RYR1: variants seen among roughly 807,000 people sequenced by gnomAD.
RYR1 encodes ryanodine receptor 1, also known as central core disease of muscle.
In RYR1, 342 loss-of-function variants were observed where a neutral mutation model predicts 583.5. That is an observed-to-expected ratio of 0.59 (90% confidence interval 0.54 to 0.64). The LOEUF is 0.64. Ranked by LOEUF, RYR1 falls within the 30% of genes least tolerant of loss-of-function variation. The probability of loss-of-function intolerance (pLI) is 0.00; values close to 1 mark genes in which losing one functional copy is unlikely to be tolerated. For missense variants in RYR1, 6,032 were observed against 6,917.2 expected (o/e 0.87, Z 4.54); for synonymous variants, 2,791 against 2,822.5 (o/e 0.99, Z 0.35).
At chr19:38,450,175 C>T (rs1353075897) in intron 11 of RYR1, among the ~76,000 whole-genome samples, 5 of 152,040 alleles carry the variant, frequency 3.3e-5, no homozygotes, top group Admixed American at 6.6e-5. Flanking sequence ...AGCAGGGAGA[C>T]CAGAGAAGAG....
Position 38,440,766 on chromosome 19 carries a change from T to C in RYR1, c.67T>C (p.Cys23Arg). The change falls in exon 2 of 106, where the codon TGC becomes CGC. Residue 23 changes from cysteine to arginine, a missense_variant. Coordinates refer to ENST00000359596, the MANE Select transcript of RYR1 (RefSeq NM_000540.3). ...LRTDDEVVLQ[C>R]SATVLKEQLK... Reference sequence around the variant, plus strand: ...GCAGGACGATGAGGTGGTCCTGCAGTGCAGCGCTACCGTGCTCAAGGAGCA... The same window carrying C: ...GCAGGACGATGAGGTGGTCCTGCAGCGCAGCGCTACCGTGCTCAAGGAGCA... 1.2e-6 allele frequency: 2 copies of C among 1,608,294 alleles called. No homozygotes were observed. The highest frequency in any genetic ancestry group is 2.2e-5 in the East Asian group (1 of 44,720).
chr19:38,460,618 T>C (rs1049074713), intron 20 of RYR1, 27 bp downstream of exon 20: 9 of 1,595,632 alleles, frequency 5.6e-6, no homozygotes, highest in Non-Finnish European at 7.7e-6. Context: ...AAAGGTTTTC[T>C]GGCGAGGCAG....
At chr19:38,575,240 G>A (rs898041538) in intron 96 of RYR1, among the ~76,000 whole-genome samples, 1 of 152,190 alleles carries the variant, frequency 6.6e-6, no homozygotes, top group Non-Finnish European at 1.5e-5. Flanking sequence ...CCACGCCAGA[G>A]CCTCTTTATC....
intron 89 of RYR1, among the ~76,000 whole-genome samples, chr19:38,550,691 T>C (rs2145797600): frequency 6.6e-6 from 1 of 152,216 alleles, no homozygotes; most frequent in South Asian, 2.1e-4. Flanking sequence ...CTCTTCCCAT[T>C]ACTGTTGTTA....
intron 102 of RYR1, among the ~76,000 whole-genome samples, chr19:38,585,624 C>T (rs572873168): frequency 4.6e-5 from 7 of 151,780 alleles, no homozygotes; most frequent in Non-Finnish European, 8.8e-5. Context: ...CAGGCACATG[C>T]TACCACACCC....
At chr19:38,472,563 G>T (rs551921811) in intron 27 of RYR1, among the ~76,000 whole-genome samples, 14 of 152,058 alleles carry the variant, frequency 9.2e-5, no homozygotes, top group Non-Finnish European at 1.8e-4. Flanking sequence ...TCAAATCTAG[G>T]GGGGAAAGCA....
chr19:38,503,081 G>C, intron 49 of RYR1, 111 bp downstream of exon 49: 1 of 1,005,814 alleles, frequency 9.9e-7, no homozygotes, highest in East Asian at 2.5e-5. Context: ...CAATAAACCT[G>C]CACTAGTTAG....
intron 67 of RYR1, among the ~76,000 whole-genome samples, chr19:38,520,087 T>C (rs1018610062): frequency 8.0e-5 from 12 of 149,842 alleles, no homozygotes; most frequent in African/African-American, 1.2e-4. Context: ...TTTTTTTTTT[T>C]TTTATTGAGA....
chr19:38,488,601 A>C (rs1377686808), intron 34 of RYR1, among the ~76,000 whole-genome samples: 2 of 152,162 alleles, frequency 1.3e-5, no homozygotes, highest in Non-Finnish European at 2.9e-5. Context: ...TCCCAGATTC[A>C]AGTGATTCTC....
chr19:38,512,604 A>G lies in RYR1; in HGVS notation c.9472+121A>G, dbSNP rs1487002388. On this transcript the variant is annotated intron_variant, in intron 63 of 105. Coordinates refer to ENST00000359596, the MANE Select transcript of RYR1 (RefSeq NM_000540.3). The surrounding 1 kb of genome is among the most constrained non-coding windows in gnomAD (Gnocchi z 5.1). ...GTGGATTTCTTGCTGTAAGCAAAGCATGCAGTCAGTACCTTGGCAGGTGGC... is the reference window on the plus strand; with the variant it reads ...GTGGATTTCTTGCTGTAAGCAAAGCGTGCAGTCAGTACCTTGGCAGGTGGC... 1 of 963,614 alleles carries G rather than the reference A, an allele frequency of 1.0e-6. No homozygotes were observed. Among genetic ancestry groups the G allele is most frequent in the Non-Finnish European group, 1.6e-6 (1 of 610,124 alleles). The allele number at this position is 963,614 out of a possible 1,614,324, so 59.7% of individuals were successfully genotyped here.
chr19:38,565,531 G>A lies in RYR1; in HGVS notation c.13197G>A (p.Pro4399=), dbSNP rs773923211. Residue 4399 remains proline (P), a synonymous_variant, in exon 91 of 106, where the codon CCG becomes CCA. Transcript: ENST00000359596. The surrounding 1 kb of genome is among the most constrained non-coding windows in gnomAD (Gnocchi z 4.7). Reference sequence around the variant, plus strand: ...TGCACGGCGAGCAGCCGGCCGGGCCGGGCGGAGACGCAGACGGCGAGGGTG... The same window carrying A: ...TGCACGGCGAGCAGCCGGCCGGGCCAGGCGGAGACGCAGACGGCGAGGGTG... The part of the protein sequence containing the change: ...DEVHGEQPAG[P]GGDADGEGAS... The A allele has an allele frequency of 2.0e-6, 3 of 1,502,802 alleles. No homozygotes were observed. Among genetic ancestry groups the A allele is most frequent in the African/African-American group, 1.4e-5 (1 of 69,064 alleles). 93.1% of individuals were successfully genotyped at this position (1,502,802 alleles called of 1,614,324 possible).
intron 72 of RYR1, 99 bp downstream of exon 72, chr19:38,527,151 A>G: frequency 1.5e-6 from 2 of 1,354,426 alleles, no homozygotes; most frequent in Non-Finnish European, 2.1e-6. Flanking sequence ...CATTGAAGAA[A>G]GACCTCAAAG....
intron 54 of RYR1, 141 bp downstream of exon 54, chr19:38,506,087 T>A (rs934357230): frequency 9.8e-6 from 12 of 1,221,718 alleles, no homozygotes; most frequent in Non-Finnish European, 1.3e-5. Flanking sequence ...AAACCTGAGA[T>A]CTGGGAAAGG....
At position 38,459,449 on chromosome 19, in the gene RYR1, A is replaced by G. The variant is rs115461795; in HGVS notation, c.2360+111A>G. ...GGAGGCCAGGACACTGCAGCCTACC[A>G]TCAAGACTGACTGGTGTCCAGAACC... On this transcript the variant is annotated intron_variant, in intron 19 of 105. Coordinates refer to ENST00000359596, the MANE Select transcript of RYR1 (RefSeq NM_000540.3). 1.2e-3 allele frequency: 1,249 copies of G among 1,014,846 alleles called. 15 individuals carry two copies. The African/African-American group carries it at 0.018, about 15-fold the overall frequency. 62.9% of individuals were successfully genotyped at this position (1,014,846 alleles called of 1,614,324 possible).
rs1312617068 is a variant in RYR1, at chr19:38,503,031, C to T, written c.7926+61C>T. On this transcript the variant is annotated intron_variant, in intron 49 of 105. Coordinates refer to ENST00000359596, the MANE Select transcript of RYR1 (RefSeq NM_000540.3). ...GCCGCACCCACTGGTTTGCTCTTCC[C>T]TCCTACTGCGGGGCTCATTTGTGTC... is the stretch of plus-strand genomic sequence containing the variant. 40 of 1,534,782 alleles carry T rather than the reference C, an allele frequency of 2.6e-5. No individual in the cohort carries two copies. The East Asian group carries it at 7.0e-4, about 27-fold the overall frequency.
chr19:38,583,314 G>GA (rs1974300528), intron 101 of RYR1, among the ~76,000 whole-genome samples: 5 of 135,856 alleles, frequency 3.7e-5, no homozygotes, highest in African/African-American at 1.4e-4. Flanking sequence ...AAAAAAAAAA[G>GA]AAAAAAGTAC....
intron 29 of RYR1, 22 bp downstream of exon 29, chr19:38,475,472 T>G (rs779436221): frequency 6.2e-7 from 1 of 1,612,804 alleles, no homozygotes; most frequent in Non-Finnish European, 8.5e-7. Flanking sequence ...TAACCCTCAA[T>G]TTTGGGGTCC....
chr19:38,505,000 C>CA lies in RYR1; in HGVS notation c.8232-2dup. 6.2e-7 allele frequency: 1 copy of CA among 1,614,168 alleles called. No individual in the cohort carries two copies. The highest frequency in any genetic ancestry group is 1.3e-5 in the African/African-American group (1 of 75,040). On this transcript the variant is annotated splice_polypyrimidine_tract_variant and splice_region_variant and intron_variant, in intron 51 of 105. Transcript: ENST00000359596. ...ACATCTGCTGACCCTGTGCCCCCAA[C>CA]AGTGTGATCATCCCGGAGAAGCTGG... is the stretch of plus-strand genomic sequence containing the variant.
chr19:38,550,060 T>C (rs2145795801), intron 89 of RYR1, among the ~76,000 whole-genome samples: 1 of 152,050 alleles, frequency 6.6e-6, no homozygotes. Context: ...CTAGCCAATT[T>C]CCCTTTACTT....
Sources: gnomAD v4.1 joint callset for allele counts (sites outside exome capture counted in the v4.1 genomes callset) on GRCh38, gnomAD v4.1.1 for gene constraint, Gnocchi (gnomAD v3.1) non-coding constraint, MANE v1.5 for transcripts, NCBI Gene and HGNC (gene_info 2026-07-23, HGNC 2026-07-21) for gene names.